RIMBP2: variants seen among roughly 807,000 people sequenced by gnomAD.
RIMBP2 encodes the protein RIMS-binding protein 2.
In RIMBP2, 48 loss-of-function variants were observed where a neutral mutation model predicts 118.6. The observed-to-expected ratio is 0.40, with a 90% CI of 0.32 to 0.51. The LOEUF (loss-of-function observed/expected upper bound fraction) is 0.51, where lower values mean the gene tolerates loss of function less well. Among genes scored for constraint, RIMBP2 ranks in the 20% least tolerant of loss-of-function variants. RIMBP2 has a pLI of 0.41. For missense variants in RIMBP2, 1,551 were observed against 1,768.3 expected, an observed-to-expected ratio of 0.88 and a Z score of 2.20; for synonymous variants, 762 against 742.9, an observed-to-expected ratio of 1.03 and a Z score of -0.42.
In RIMBP2 at chr12:130,511,806, G is replaced by A. The variant is rs920169872; in HGVS notation, c.-126-5036C>T. Among the ~76,000 whole-genome samples the A allele has an allele frequency of 6.6e-6, 1 of 152,072 alleles. No homozygotes were observed. The highest frequency in any genetic ancestry group is 2.0e-4 in the East Asian group (1 of 5,122). ...AGTGGGGATGCGACCCTTCGAGATG[G>A]AATACCACCTGTCTCGGTGTCAAGG... On this transcript the variant is annotated intron_variant, in intron 3 of 22. Coordinates refer to ENST00000690449, the MANE Select transcript of RIMBP2 (RefSeq NM_001393629.1). The surrounding 1 kb of genome is among the most constrained non-coding windows in gnomAD (Gnocchi z 4.3).
intron 1 of RIMBP2, among the ~76,000 whole-genome samples, chr12:130,687,820 T>C (rs2065128878): frequency 6.6e-6 from 1 of 152,238 alleles, no homozygotes; most frequent in African/African-American, 2.4e-5. Flanking sequence ...TTCATTGATT[T>C]GCAAATGTTC....
intron 18 of RIMBP2, 72 bp from the exon 19 acceptor site, chr12:130,412,859 G>A: frequency 7.4e-7 from 1 of 1,349,680 alleles, no homozygotes; most frequent in Non-Finnish European, 1.0e-6. Context: ...CCCACTGACG[G>A]TAAGTGAGTG....
At chr12:130,467,613 C>T (rs575069249) in intron 6 of RIMBP2, among the ~76,000 whole-genome samples, 1 of 152,296 alleles carries the variant, frequency 6.6e-6, no homozygotes, top group East Asian at 1.9e-4. Context: ...ATGAATTACT[C>T]TTTCTCTATT....
chr12:130,470,677 G>A lies in RIMBP2; in HGVS notation c.153+16C>T, dbSNP rs2080927484. ...GTCCCCCACCCCCGGGCAGAAAGCAGGGGCACGCTCCTTACCTCTAGCAGC... is the reference window on the plus strand; with the variant it reads ...GTCCCCCACCCCCGGGCAGAAAGCAAGGGCACGCTCCTTACCTCTAGCAGC... On this transcript the variant is annotated intron_variant, in intron 6 of 22. Transcript: ENST00000690449. 1 of 1,230,844 alleles carries A rather than the reference G, an allele frequency of 8.1e-7. No homozygotes were observed. The highest frequency in any genetic ancestry group is 1.6e-5 in the African/African-American group (1 of 64,378). 76.2% of individuals were successfully genotyped at this position (1,230,844 alleles called of 1,614,324 possible).
chr12:130,452,752 G>A (rs1354437413), intron 7 of RIMBP2, among the ~76,000 whole-genome samples: 1 of 152,214 alleles, frequency 6.6e-6, no homozygotes, highest in African/African-American at 2.4e-5. Context: ...GACCTGGGGG[G>A]CCGCGTGTGA....
chr12:130,646,166 ACCACCTGCCTCT>A lies in RIMBP2; in HGVS notation c.-351-17722_-351-17711del, dbSNP rs1235447276. ...CACCACCTGCCTCTCCACCTCCCTC[ACCACCTGCCTCT>A]CCACCTCCCTCACCACTTCCCTCTC... On this transcript the variant is annotated intron_variant, in intron 1 of 22. Transcript: ENST00000690449. 2.2e-3 allele frequency among the ~76,000 whole-genome samples: 50 copies of A among 22,486 alleles called. 6 individuals are homozygous for A. The highest frequency in any genetic ancestry group is 3.1e-3 in the Non-Finnish European group (33 of 10,708). 14.8% of individuals were successfully genotyped at this position (22,486 alleles called of 152,430 possible).
In RIMBP2 at chr12:130,618,024, T is replaced by TTTACCAACAAAAAAAAAAAAA. The variant is rs71088771; in HGVS notation, c.-217+10297_-217+10298insTTTTTTTTTTTTTGTTGGTAA. Among the ~76,000 whole-genome samples the TTTACCAACAAAAAAAAAAAAA allele has an allele frequency of 3.0e-5, 2 of 65,826 alleles. 1 individual carries two copies. Among genetic ancestry groups the TTTACCAACAAAAAAAAAAAAA allele is most frequent in the Non-Finnish European group, 6.1e-5 (2 of 32,784 alleles). 43.2% of individuals were successfully genotyped at this position (65,826 alleles called of 152,430 possible). A position where few individuals can be genotyped will look rare whatever the true frequency, so the allele number is the denominator to read the frequency against. On this transcript the variant is annotated intron_variant, in intron 2 of 22. Transcript: ENST00000690449. ...CTGGGCAACATAGAAAGACCTCTTC[T>TTTACCAACAAAAAAAAAAAAA]AAAAAAAAAAAGTAAAAAAGGGGAA... is the stretch of plus-strand genomic sequence containing the variant.
intron 1 of RIMBP2, among the ~76,000 whole-genome samples, chr12:130,649,892 G>A (rs1179423167): frequency 1.3e-5 from 2 of 152,108 alleles, no homozygotes; most frequent in Non-Finnish European, 2.9e-5. Context: ...CCCTGGAGAA[G>A]CTGCCCCACC....
chr12:130,430,006 G>C (rs1016335647), intron 14 of RIMBP2: 2 of 152,268 alleles, frequency 1.3e-5, no homozygotes, highest in African/African-American at 4.8e-5. Context: ...CAGTGAGCTA[G>C]GGGTCAACTC....
chr12:130,663,694 T>A lies in RIMBP2; in HGVS notation c.-351-35238A>T, dbSNP rs149866208. Among the ~76,000 whole-genome samples, 293 of 151,868 alleles carry A rather than the reference T, an allele frequency of 1.9e-3. 9 individuals carry two copies. Among genetic ancestry groups the A allele is most frequent in the African/African-American group, 6.8e-3 (278 of 41,138 alleles). On this transcript the variant is annotated intron_variant, in intron 1 of 22. Coordinates refer to ENST00000690449, the MANE Select transcript of RIMBP2 (RefSeq NM_001393629.1). ...CGTGACATGGGTGTCCCCAGACGCC[T>A]CTGAGTGGGGTAGGAGTCAGAACGG...
chr12:130,470,833 A>G (rs2080942659), intron 5 of RIMBP2, 90 bp from the exon 6 acceptor site: 1 of 665,698 alleles, frequency 1.5e-6, no homozygotes, highest in South Asian at 7.9e-5. Context: ...GGGGTGGGGG[A>G]TCATTTATTT....
chr12:130,679,059 T>C (rs2064643942), intron 1 of RIMBP2, among the ~76,000 whole-genome samples: 1 of 152,136 alleles, frequency 6.6e-6, no homozygotes, highest in Non-Finnish European at 1.5e-5. Context: ...TTATGTTATA[T>C]GAATTTTACT....
intron 4 of RIMBP2, among the ~76,000 whole-genome samples, chr12:130,486,297 T>C (rs553548021): frequency 6.6e-6 from 1 of 152,148 alleles, no homozygotes; most frequent in South Asian, 2.1e-4. Context: ...CTGGCCCCCG[T>C]GGGGCGCGCT....
intron 2 of RIMBP2, among the ~76,000 whole-genome samples, chr12:130,594,537 A>G (rs770992750): frequency 3.9e-5 from 6 of 152,178 alleles, no homozygotes; most frequent in Non-Finnish European, 7.3e-5. Flanking sequence ...CATAAAATAC[A>G]CTAACAGTAG....
chr12:130,442,056 G>A lies in RIMBP2; in HGVS notation c.1296C>T (p.Asn432=), dbSNP rs2078178759. The A allele has an allele frequency of 1.9e-6, 3 of 1,614,170 alleles. No individual in the cohort carries two copies. The highest frequency in any genetic ancestry group is 2.5e-6 in the Non-Finnish European group (3 of 1,180,052). Reference sequence around the variant, plus strand: ...GGAAGATGACGTGGCTGTAGTTGCTGTTGGTGGGTAGCCAGGAGAGCTGGG... The same window carrying A: ...GGAAGATGACGTGGCTGTAGTTGCTATTGGTGGGTAGCCAGGAGAGCTGGG... ...ISAQLSWLPT[N]SNYSHVIFLN... The change falls in exon 11 of 23, where the codon AAC becomes AAT. Residue 432 remains asparagine, a synonymous_variant. Transcript: ENST00000690449. This position sits in a 1 kb window ranked among gnomAD's most constrained non-coding sequence, Gnocchi z 6.9.
intron 1 of RIMBP2, among the ~76,000 whole-genome samples, chr12:130,679,877 G>A (rs1015277040): frequency 6.6e-5 from 10 of 152,024 alleles, no homozygotes; most frequent in Non-Finnish European, 1.2e-4. Flanking sequence ...GTGTTCGCCC[G>A]CCACGGGAAG....
chr12:130,656,415 C>G (rs753325217), intron 1 of RIMBP2, among the ~76,000 whole-genome samples: 12 of 152,188 alleles, frequency 7.9e-5, no homozygotes, highest in Non-Finnish European at 1.5e-4. Context: ...TGTCCCCTCT[C>G]CTGGGACTAA....
intron 1 of RIMBP2, among the ~76,000 whole-genome samples, chr12:130,633,075 G>T (rs980100146): frequency 6.6e-6 from 1 of 152,024 alleles, no homozygotes; most frequent in South Asian, 2.1e-4. Context: ...CAAGGTCCTC[G>T]CTACATAGAA....
rs933606266 is a variant in RIMBP2 at position 130,422,270 on chromosome 12, C to T, written c.3238+183G>A. 3.3e-5 allele frequency among the ~76,000 whole-genome samples: 5 copies of T among 152,234 alleles called. No homozygotes were observed. Among genetic ancestry groups the T allele is most frequent in the African/African-American group, 1.2e-4 (5 of 41,470 alleles). ...GATGTAGAAGGCCAATTTGATATTT[C>T]AAGAATACTTACAAATAGCTTTCAT... On this transcript the variant is annotated intron_variant, in intron 17 of 22. Coordinates refer to ENST00000690449, the MANE Select transcript of RIMBP2 (RefSeq NM_001393629.1). This position sits in a 1 kb window ranked among gnomAD's most constrained non-coding sequence, Gnocchi z 5.2.
Sources: gnomAD v4.1 joint callset for allele counts (sites outside exome capture counted in the v4.1 genomes callset) on GRCh38, gnomAD v4.1.1 for gene constraint, Gnocchi (gnomAD v3.1) non-coding constraint, MANE v1.5 for transcripts, NCBI Gene and HGNC (gene_info 2026-07-23, HGNC 2026-07-21) for gene names.